The following NAA11 variants were observed in gnomAD, a reference collection of about 807,000 sequenced individuals.
NAA11 encodes the protein N-alpha-acetyltransferase 11.
Under a neutral mutation model 16.1 loss-of-function variants are expected in NAA11, and 15 were observed. The ratio of observed to expected loss-of-function variants is 0.93; its 90% confidence interval spans 0.62 to 1.44. NAA11 has a LOEUF of 1.44. Among genes scored for constraint, NAA11 ranks in the 40% most tolerant of loss-of-function variants. The pLI, the probability that NAA11 is intolerant of heterozygous loss-of-function variation, is 0.00. For missense variants in NAA11, 298 were observed against 291.3 expected, an observed-to-expected ratio of 1.02 and a Z score of -0.17; for synonymous variants, 122 against 112.4, an observed-to-expected ratio of 1.09 and a Z score of -0.54.
intron 2 of NAA11, among the ~76,000 whole-genome samples, chr4:79,285,358 A>G (rs897173307): frequency 1.3e-5 from 2 of 152,082 alleles, no homozygotes; most frequent in African/African-American, 4.8e-5. Context: ...CCTATTGTTT[A>G]TCTTTTCTTC....
chr4:79,156,321 G>GTT, the NAA11 span, among the ~76,000 whole-genome samples: 1 of 37,314 alleles, frequency 2.7e-5, no homozygotes, highest in Non-Finnish European at 4.7e-5. Context: ...TGATGTGTGT[G>GTT]TGTGTGTGTA....
At chr4:79,309,936 T>C (rs555810435) in intron 1 of NAA11, among the ~76,000 whole-genome samples, 2 of 152,176 alleles carry the variant, frequency 1.3e-5, no homozygotes, top group East Asian at 3.9e-4. Flanking sequence ...AGGGTGGTCT[T>C]GATCTCCTGA....
chr4:79,303,790 A>T (rs993199091), intron 1 of NAA11, among the ~76,000 whole-genome samples: 1 of 152,218 alleles, frequency 6.6e-6, no homozygotes, highest in African/African-American at 2.4e-5. Flanking sequence ...TGGCGTCGGA[A>T]CCAAAAGAAG....
Position 79,317,934 on chromosome 4 carries a change from A to G in NAA11, c.*13-143T>C, listed in dbSNP as rs560851547. ...ACTAGTTTGGACTAGATATATCTCC[A>G]TGGCAGTCAGTGAGAATTCAGATGA... On this transcript the variant is annotated intron_variant, in intron 1 of 1. Coordinates refer to ENST00000286794, the MANE Select transcript of NAA11 (RefSeq NM_032693.3). 4 of 152,350 alleles carry G rather than the reference A, an allele frequency of 2.6e-5. No individual in the cohort carries two copies. The South Asian group carries it at 6.2e-4, about 24-fold the overall frequency. The allele number at this position is 152,350 out of a possible 1,614,324, so 9.4% of individuals were successfully genotyped here.
At chr4:79,234,861 G>C (rs1283728808) in intron 2 of NAA11, among the ~76,000 whole-genome samples, 1 of 152,016 alleles carries the variant, frequency 6.6e-6, no homozygotes, top group Non-Finnish European at 1.5e-5. Context: ...TCAGTATTCA[G>C]TTTATGACTG....
At chr4:79,202,742 A>G in the NAA11 span, among the ~76,000 whole-genome samples, 2 of 146,968 alleles carry the variant, frequency 1.4e-5, no homozygotes, top group Non-Finnish European at 3.0e-5. Context: ...ATTTAGAATT[A>G]TTATGTATTT....
chr4:79,202,521 TAC>T, the NAA11 span, among the ~76,000 whole-genome samples: 50 of 135,236 alleles, frequency 3.7e-4, 1 homozygote, highest in Middle Eastern at 3.7e-3. Flanking sequence ...TAAACTTTTA[TAC>T]ACACACACAC....
the NAA11 span, among the ~76,000 whole-genome samples, chr4:79,218,662 TTAA>T: frequency 1.3e-5 from 2 of 152,090 alleles, no homozygotes; most frequent in South Asian, 2.1e-4. Context: ...CCGCTATTTT[TTAA>T]TATTTTAATG....
intron 2 of NAA11, among the ~76,000 whole-genome samples, chr4:79,276,345 A>T (rs181995330): frequency 6.6e-5 from 10 of 152,248 alleles, no homozygotes; most frequent in Admixed American, 6.5e-4. Context: ...GGTATATGAT[A>T]CTATAAGGTC....
chr4:79,187,386 G>A, the NAA11 span, among the ~76,000 whole-genome samples: 1 of 152,234 alleles, frequency 6.6e-6, no homozygotes, highest in Non-Finnish European at 1.5e-5. Context: ...CAGTTCACAG[G>A]CATTACAGGG....
intron 2 of NAA11, among the ~76,000 whole-genome samples, chr4:79,252,702 G>T (rs1453244915): frequency 6.6e-6 from 1 of 152,122 alleles, no homozygotes; most frequent in African/African-American, 2.4e-5. Context: ...AACAAAGTTG[G>T]AGGGCAGAAA....
intron 2 of NAA11, among the ~76,000 whole-genome samples, chr4:79,240,930 G>A (rs1226444265): frequency 4.6e-5 from 7 of 152,064 alleles, no homozygotes; most frequent in East Asian, 1.9e-4. Flanking sequence ...CAGACACTTC[G>A]GGAATGAACA....
At chr4:79,276,885 GAC>G (rs1722661646) in intron 2 of NAA11, among the ~76,000 whole-genome samples, 1 of 152,136 alleles carries the variant, frequency 6.6e-6, no homozygotes, top group African/African-American at 2.4e-5. Flanking sequence ...TTTGGTGGGT[GAC>G]AGTTAGTAAA....
intron 2 of NAA11, among the ~76,000 whole-genome samples, chr4:79,250,890 T>C (rs1475678585): frequency 6.6e-6 from 1 of 152,078 alleles, no homozygotes; most frequent in Non-Finnish European, 1.5e-5. Context: ...CACTAATCAT[T>C]AGAGAAATGC....
chr4:79,316,350 T>C (rs772543916), downstream of NAA11, among the ~76,000 whole-genome samples: 15 of 152,348 alleles, frequency 9.8e-5, no homozygotes, highest in Non-Finnish European at 1.9e-4. Context: ...TCATACTGTA[T>C]TGGCACAAGA....
chr4:79,251,916 C>G (rs1331350665), intron 2 of NAA11, among the ~76,000 whole-genome samples: 5 of 152,058 alleles, frequency 3.3e-5, no homozygotes, highest in African/African-American at 1.2e-4. Context: ...GCACTATTCA[C>G]AATAGCAAAG....
At chr4:79,256,615 A>G (rs1300600411) in intron 2 of NAA11, among the ~76,000 whole-genome samples, 1 of 140,442 alleles carries the variant, frequency 7.1e-6, no homozygotes, top group Non-Finnish European at 1.5e-5. Context: ...GTAATATATT[A>G]ACTCAATTAA....
the NAA11 span, among the ~76,000 whole-genome samples, chr4:79,174,533 G>A: frequency 2.0e-5 from 3 of 152,052 alleles, no homozygotes; most frequent in African/African-American, 7.2e-5. Flanking sequence ...ACTGGCCATT[G>A]CTACATAGAA....
chr4:79,307,530 T>C (rs1451032866), intron 1 of NAA11, among the ~76,000 whole-genome samples: 1 of 152,184 alleles, frequency 6.6e-6, no homozygotes, highest in Non-Finnish European at 1.5e-5. Context: ...ACATATGATT[T>C]CTGGTTTAAA....
Sources: allele counts gnomAD v4.1 joint callset (sites outside exome capture counted in the v4.1 genomes callset), GRCh38; gene constraint gnomAD v4.1.1; transcripts MANE v1.5; gene names NCBI Gene and HGNC (gene_info 2026-07-23, HGNC 2026-07-21).